The following SLC30A5 variants were observed in gnomAD, a reference collection of about 807,000 sequenced individuals.
SLC30A5 encodes proton-coupled zinc antiporter SLC30A5.
In SLC30A5, 33 loss-of-function variants were observed where a neutral mutation model predicts 79.6. The ratio of observed to expected loss-of-function variants is 0.41; its 90% CI spans 0.31 to 0.55. SLC30A5 has a LOEUF of 0.55. Ranked by LOEUF, SLC30A5 falls within the 20% of genes least tolerant of loss-of-function variation. The pLI is 0.20. For synonymous variants in SLC30A5, 299 were observed against 319.7 expected, an observed-to-expected ratio of 0.94 and a Z score of 0.69; for missense variants, 788 against 928.1, an observed-to-expected ratio of 0.85 and a Z score of 1.96.
rs769653197 is a variant in SLC30A5 at position 69,116,581 on chromosome 5, T to C, written c.1260T>C (p.Phe420=). The C allele has an allele frequency of 1.9e-6, 3 of 1,566,608 alleles. No homozygotes were observed. Among genetic ancestry groups the C allele is most frequent in the Admixed American group, 2.1e-5 (1 of 48,544 alleles). Residue 420 remains phenylalanine, a synonymous_variant, in exon 10 of 16, where the codon TTT becomes TTC. Coordinates refer to ENST00000396591, the MANE Select transcript of SLC30A5 (RefSeq NM_022902.5). This position sits in a 1 kb window ranked among gnomAD's most constrained non-coding sequence, Gnocchi z 4.0. ...ILEESDSRQI[F]YFLCLNLLFT... is the part of the protein sequence containing the mutation. ...AGGAGAGTGACTCTAGGCAGATCTT[T>C]TACTTCTTGTGCTTGAATCTGGTAA...
intron 6 of SLC30A5, among the ~76,000 whole-genome samples, chr5:69,113,571 A>G (rs947920521): frequency 7.2e-5 from 11 of 152,176 alleles, no homozygotes; most frequent in Admixed American, 5.9e-4. Context: ...CTGATAAATG[A>G]AAAACCTTTA....
At chr5:69,107,535 G>T (rs961685649) in intron 4 of SLC30A5, among the ~76,000 whole-genome samples, 2 of 142,686 alleles carry the variant, frequency 1.4e-5, no homozygotes, top group East Asian at 3.9e-4. Flanking sequence ...GTATATAATT[G>T]TATGTACTGT....
At chr5:69,127,214 G>A (rs1042684770) in intron 14 of SLC30A5, among the ~76,000 whole-genome samples, 2 of 152,138 alleles carry the variant, frequency 1.3e-5, no homozygotes, top group African/African-American at 2.4e-5. Flanking sequence ...GAATGTGTCC[G>A]TGTAAAGGAG....
intron 15 of SLC30A5, among the ~76,000 whole-genome samples, chr5:69,128,365 C>T (rs969583157): frequency 5.3e-5 from 8 of 151,276 alleles, no homozygotes; most frequent in East Asian, 1.9e-4. Flanking sequence ...AGTCTCCCTG[C>T]CTCAGCCTCC....
chr5:69,129,267 A>G (rs112340371), intron 15 of SLC30A5, among the ~76,000 whole-genome samples, 180 bp from the exon 16 acceptor site: 29 of 152,316 alleles, frequency 1.9e-4, no homozygotes, highest in African/African-American at 6.7e-4. Flanking sequence ...AAATGCTCCA[A>G]TGAGCATTTC....
chr5:69,094,787 CT>C (rs1382019386), intron 1 of SLC30A5, among the ~76,000 whole-genome samples: 1 of 152,122 alleles, frequency 6.6e-6, no homozygotes, highest in Non-Finnish European at 1.5e-5. Flanking sequence ...TTCAGGGGAA[CT>C]TGGATGTTCA....
chr5:69,104,911 T>C (rs966568722), intron 4 of SLC30A5, among the ~76,000 whole-genome samples, 195 bp downstream of exon 4: 11 of 152,216 alleles, frequency 7.2e-5, no homozygotes, highest in African/African-American at 2.7e-4. Flanking sequence ...ACCATTAATA[T>C]ATTTATTCAT....
intron 4 of SLC30A5, among the ~76,000 whole-genome samples, chr5:69,106,057 C>T (rs1457109555): frequency 1.3e-5 from 2 of 152,168 alleles, no homozygotes; most frequent in Admixed American, 1.3e-4. Context: ...GTGGGGTAGA[C>T]AGAGTGGAAA....
intron 2 of SLC30A5, among the ~76,000 whole-genome samples, chr5:69,101,747 A>G (rs1382691558): frequency 6.6e-6 from 1 of 150,756 alleles, no homozygotes; most frequent in East Asian, 2.1e-4. Context: ...GCCTGAGGTC[A>G]GGAGTTGGAG....
chr5:69,103,960 A>AGAT (rs1404588196), intron 3 of SLC30A5: 3 of 1,543,446 alleles, frequency 1.9e-6, no homozygotes, highest in Non-Finnish European at 2.6e-6. Flanking sequence ...CTCTCCTTTC[A>AGAT]GATAATTGGA....
At position 69,117,272 on chromosome 5, in the gene SLC30A5, C is replaced by T; in HGVS notation, c.1315C>T (p.Leu439=). 1 of 1,613,324 alleles carries T rather than the reference C, an allele frequency of 6.2e-7. No homozygotes were observed. The part of the protein sequence containing the change: ...FTFVELFYGV[L]TNSLGLISDG... ...CTTTGTGGAATTATTCTATGGCGTG[C>T]TGACCAATAGTCTGGGCCTGATCTC... Residue 439 remains leucine, a synonymous_variant, in exon 11 of 16, where the codon CTG becomes TTG. Coordinates refer to ENST00000396591, the MANE Select transcript of SLC30A5 (RefSeq NM_022902.5).
At chr5:69,117,854 G>C (rs1746413695) in intron 11 of SLC30A5, among the ~76,000 whole-genome samples, 1 of 146,144 alleles carries the variant, frequency 6.8e-6, no homozygotes, top group African/African-American at 2.6e-5. Context: ...TCCAGCCTGG[G>C]CAACAGAGTG....
intron 14 of SLC30A5, among the ~76,000 whole-genome samples, chr5:69,123,970 G>T: frequency 6.6e-6 from 1 of 151,914 alleles, no homozygotes; most frequent in Middle Eastern, 3.4e-3. Flanking sequence ...AAAATTAGCC[G>T]GGCGTGGTGG....
At chr5:69,103,749 C>G (rs1745998968) in intron 3 of SLC30A5, among the ~76,000 whole-genome samples, 1 of 152,170 alleles carries the variant, frequency 6.6e-6, no homozygotes, top group South Asian at 2.1e-4. Context: ...CTAGAAATGT[C>G]CTACATTTTG....
chr5:69,095,991 C>A (rs1580160802), intron 1 of SLC30A5, among the ~76,000 whole-genome samples: 1 of 152,062 alleles, frequency 6.6e-6, no homozygotes. Context: ...ATGGCTTGAA[C>A]CCAGGAGGCA....
intron 1 of SLC30A5, among the ~76,000 whole-genome samples, chr5:69,097,969 T>A (rs1434786527): frequency 6.6e-6 from 1 of 152,168 alleles, no homozygotes; most frequent in Non-Finnish European, 1.5e-5. Context: ...TGGCGTCGAT[T>A]TATCAGGACG....
intron 3 of SLC30A5, chr5:69,103,920 T>G (rs1746004600): frequency 1.4e-6 from 2 of 1,392,780 alleles, no homozygotes; most frequent in Admixed American, 2.5e-5. Context: ...AAAATATGAT[T>G]AATAGTCTAA....
intron 5 of SLC30A5, among the ~76,000 whole-genome samples, chr5:69,112,473 TG>T (rs371310909): frequency 0.011 from 1,709 of 152,234 alleles, 32 homozygotes; most frequent in African/African-American, 0.039. Flanking sequence ...TAACCAGGCA[TG>T]GTGGCACATG....
chr5:69,094,553 T>C (rs1354632368), intron 1 of SLC30A5, among the ~76,000 whole-genome samples: 57 of 152,080 alleles, frequency 3.7e-4, no homozygotes, highest in Admixed American at 3.7e-3. Flanking sequence ...AAGCTTCTGC[T>C]TGAATTTCTG....
Sources: gnomAD v4.1 joint callset for allele counts (sites outside exome capture counted in the v4.1 genomes callset) on GRCh38, gnomAD v4.1.1 for gene constraint, Gnocchi (gnomAD v3.1) non-coding constraint, MANE v1.5 for transcripts, NCBI Gene and HGNC (gene_info 2026-07-23, HGNC 2026-07-21) for gene names.